Variants in NHSL2 observed in about 807,000 individuals in gnomAD.
NHSL2 encodes the protein NHS like 2, also known as NHS-like protein 2.
Under a neutral mutation model 53.4 loss-of-function variants are expected in NHSL2, and 27 were observed. That is an observed-to-expected ratio of 0.51 (90% CI 0.37 to 0.70). The LOEUF (loss-of-function observed/expected upper bound fraction) is 0.70. Among genes scored for constraint, NHSL2 ranks in the 30% least tolerant of loss-of-function variants. NHSL2 has a pLI of 0.00. For missense variants in NHSL2, 892 were observed against 980.1 expected (o/e 0.91, Z 1.20); for synonymous variants, 408 against 404.1 (o/e 1.01, Z -0.12).
chrX:72,106,632 T>C (rs1258570765), intron 1 of NHSL2, among the ~76,000 whole-genome samples: 1 of 111,678 alleles, frequency 9.0e-6, no homozygotes, highest in Non-Finnish European at 1.9e-5. Context: ...CCCAGAGGAT[T>C]ATAAATCATG....
chrX:72,008,000 G>C (rs1286097602), intron 1 of NHSL2, among the ~76,000 whole-genome samples: 4 of 112,795 alleles, frequency 3.5e-5, no homozygotes, highest in African/African-American at 1.3e-4. Flanking sequence ...GAAGCAACAG[G>C]TCTCATTCTG....
At chrX:72,067,799 T>C (rs889818284) in intron 1 of NHSL2, among the ~76,000 whole-genome samples, 7 of 111,931 alleles carry the variant, frequency 6.3e-5, no homozygotes, top group African/African-American at 1.6e-4. Context: ...TATCCTGTGA[T>C]TCCTCTCTAT....
intron 1 of NHSL2, among the ~76,000 whole-genome samples, chrX:72,084,258 T>C (rs2041816039): frequency 8.9e-6 from 1 of 112,355 alleles, no homozygotes; most frequent in South Asian, 3.7e-4. Context: ...TGACTGGTCC[T>C]GGGGACTATC....
At chrX:72,067,691 G>A (rs2042439539) in intron 1 of NHSL2, among the ~76,000 whole-genome samples, 1 of 111,852 alleles carries the variant, frequency 8.9e-6, no homozygotes, top group African/African-American at 3.3e-5. Context: ...CTTGCTCTGG[G>A]ACCTCTATTT....
At chrX:72,042,344 G>T (rs1379568339) in intron 1 of NHSL2, among the ~76,000 whole-genome samples, 1 of 112,574 alleles carries the variant, frequency 8.9e-6, no homozygotes, top group Non-Finnish European at 1.9e-5. Context: ...ATGTGGCTCT[G>T]CAGTGGCCGG....
intron 1 of NHSL2, among the ~76,000 whole-genome samples, chrX:72,029,650 G>T (rs1156503342): frequency 8.8e-6 from 1 of 113,020 alleles, no homozygotes; most frequent in Non-Finnish European, 1.9e-5. Context: ...CCACTTCTTG[G>T]ATTGCTGGGC....
intron 1 of NHSL2, among the ~76,000 whole-genome samples, chrX:71,963,654 T>C (rs1196913830): frequency 9.1e-6 from 1 of 110,055 alleles, no homozygotes; most frequent in Non-Finnish European, 1.9e-5. Flanking sequence ...CCAGGTGCAG[T>C]GGCTCACACT....
intron 1 of NHSL2, among the ~76,000 whole-genome samples, chrX:71,927,688 C>G (rs1323554962): frequency 9.0e-6 from 1 of 111,173 alleles, no homozygotes; most frequent in African/African-American, 3.3e-5. Context: ...TCCTGAGTAG[C>G]TAGATTACAG....
chrX:72,106,513 G>T (rs978592365), intron 1 of NHSL2, among the ~76,000 whole-genome samples: 2 of 112,141 alleles, frequency 1.8e-5, no homozygotes, highest in Non-Finnish European at 3.8e-5. Flanking sequence ...TTACACTGTT[G>T]GTGGGAGTGT....
chrX:71,917,098 A>G (rs759596265), intron 1 of NHSL2, among the ~76,000 whole-genome samples: 8 of 112,436 alleles, frequency 7.1e-5, no homozygotes, highest in African/African-American at 1.6e-4. Flanking sequence ...AGACTACTTT[A>G]ATAATGCCAC....
chrX:72,011,198 C>A (rs1240679681), intron 1 of NHSL2, among the ~76,000 whole-genome samples: 1 of 112,122 alleles, frequency 8.9e-6, no homozygotes. Context: ...TTTATCCATT[C>A]ACCCACTGAA....
chrX:72,131,601 C>T, intron 1 of NHSL2: 14 of 1,086,565 alleles, frequency 1.3e-5, no homozygotes, highest in Non-Finnish European at 1.7e-5. Context: ...GAACTACGGG[C>T]GGCCGGAGGA....
At chrX:72,129,504 C>G (rs1232459375) in intron 1 of NHSL2, 1 of 249,795 alleles carries the variant, frequency 4.0e-6, no homozygotes, top group Non-Finnish European at 7.2e-6. Flanking sequence ...TAGGAACAAC[C>G]AGAGGGGAAA....
At position 72,138,742 on chromosome X, in the gene NHSL2, C is replaced by T. The variant is rs144936693; in HGVS notation, c.1194C>T (p.Thr398=). 3.1e-5 allele frequency: 37 copies of T among 1,207,667 alleles called. No homozygotes were observed. The South Asian group carries it at 5.5e-4, about 18-fold the overall frequency. ...FSTSWKGDAF[T]YMTPSATSQS... is the part of the protein sequence containing the mutation. The stretch of plus-strand genomic sequence containing the variant: ...CTTCCTGGAAGGGAGATGCTTTTAC[C>T]TACATGACTCCAAGTGCCACCAGCC... Residue 398 remains threonine, a synonymous_variant, in exon 6 of 8, where the codon ACC becomes ACT. Transcript: ENST00000633930.
intron 1 of NHSL2, among the ~76,000 whole-genome samples, chrX:71,930,699 C>T (rs749726954): frequency 1.1e-4 from 12 of 112,287 alleles, no homozygotes; most frequent in African/African-American, 3.2e-4. Flanking sequence ...AAGGTTCATC[C>T]GTGCTACAGC....
rs759581042 is a variant in NHSL2, at chrX:71,947,944, T to C, written c.280+36577T>C. The stretch of plus-strand genomic sequence containing the variant: ...AAAAGACTACATACTGGATGCAGTG[T>C]ACACTGCTCTGGTGATGGGTGCACC... On this transcript the variant is annotated intron_variant, in intron 1 of 7. Coordinates refer to ENST00000633930, the MANE Select transcript of NHSL2 (RefSeq NM_001013627.3). Among the ~76,000 whole-genome samples, 5 of 111,263 alleles carry C rather than the reference T, an allele frequency of 4.5e-5. 1 individual carries two copies.
At chrX:71,929,243 A>G (rs2041701123) in intron 1 of NHSL2, among the ~76,000 whole-genome samples, 1 of 112,588 alleles carries the variant, frequency 8.9e-6, no homozygotes, top group South Asian at 3.7e-4. Context: ...ATACTTTTTA[A>G]ATTGTGATAT....
intron 1 of NHSL2, among the ~76,000 whole-genome samples, chrX:71,979,720 A>C (rs2041966062): frequency 9.0e-6 from 1 of 111,036 alleles, no homozygotes; most frequent in Non-Finnish European, 1.9e-5. Flanking sequence ...TTGCCTGTTC[A>C]CTCTGATGGT....
At position 71,955,226 on chromosome X, in the gene NHSL2, G is replaced by A. The variant is rs376052398; in HGVS notation, c.280+43859G>A. On this transcript the variant is annotated intron_variant, in intron 1 of 7. Coordinates refer to ENST00000633930, the MANE Select transcript of NHSL2 (RefSeq NM_001013627.3). ...ATGTGCTTCAGTTTCCTTCTCTCTC[G>A]AATGTGCCTGATGGTGTAGCCCACT... 1.2e-4 allele frequency among the ~76,000 whole-genome samples: 14 copies of A among 112,044 alleles called. No individual in the cohort carries two copies. The South Asian group carries it at 5.3e-3, about 42-fold the overall frequency.
Sources: allele counts gnomAD v4.1 joint callset (sites outside exome capture counted in the v4.1 genomes callset), GRCh38; gene constraint gnomAD v4.1.1; transcripts MANE v1.5; gene names NCBI Gene and HGNC (gene_info 2026-07-23, HGNC 2026-07-21).